The following RP1 variants were observed in gnomAD, a reference collection of about 807,000 sequenced individuals.
The protein encoded by RP1 is oxygen-regulated protein 1.
RP1 carries 16 observed loss-of-function variants against 14.8 expected under a neutral mutation model. That is an observed-to-expected ratio of 1.08 (90% CI 0.73 to 1.65). The LOEUF (loss-of-function observed/expected upper bound fraction) is 1.65. RP1 is among the 40% of genes most tolerant of loss of function. The pLI is 0.00. For missense variants in RP1, 2,631 were observed against 2,535.0 expected, an observed-to-expected ratio of 1.04 and a Z score of -0.81; for synonymous variants, 876 against 883.6, an observed-to-expected ratio of 0.99 and a Z score of 0.15.
At position 54,734,702 on chromosome 8, in the gene RP1, C is replaced by T. The variant is rs541189982; in HGVS notation, c.2679C>T (p.Ser893=). 3.1e-5 allele frequency: 47 copies of T among 1,535,094 alleles called. No individual in the cohort carries two copies. In the African/African-American group the frequency reaches 5.7e-4, roughly 19 times the overall value. Residue 893 remains serine (S), a synonymous_variant, in exon 18 of 23, where the codon AGC becomes AGT. Coordinates refer to the RP1 transcript ENST00000636932. The stretch of plus-strand genomic sequence containing the variant: ...GGCCAATAAGTCTTCGCAAGGACAG[C>T]TCAGAGCAGCTCTTCCTTCCAGGAC...
At chr8:54,762,550 C>T (rs1451918168) in intron 22 of RP1, among the ~76,000 whole-genome samples, 1 of 152,130 alleles carries the variant, frequency 6.6e-6, no homozygotes, top group Non-Finnish European at 1.5e-5. Context: ...GGAGGTTTGG[C>T]TATTTGAGGT....
At chr8:54,770,065 A>G (rs1039823493), downstream of RP1, 17 of 445,786 alleles carry the variant, frequency 3.8e-5, no homozygotes, top group Non-Finnish European at 5.5e-5. Flanking sequence ...TTCTTTTCCC[A>G]CTTACAATGT....
intron 16 of RP1, among the ~76,000 whole-genome samples, chr8:54,721,787 A>G (rs1469668653): frequency 6.6e-6 from 1 of 152,244 alleles, no homozygotes; most frequent in African/African-American, 2.4e-5. Context: ...TTGAAGATTC[A>G]TGAATCCTAG....
chr8:54,804,623 C>CA (rs146244946), intron 24 of RP1, among the ~76,000 whole-genome samples: 3 of 151,724 alleles, frequency 2.0e-5, no homozygotes, highest in Non-Finnish European at 4.4e-5. Context: ...ATTCTGACAA[C>CA]AAAAAAACAT....
intron 22 of RP1, among the ~76,000 whole-genome samples, chr8:54,759,309 G>A (rs184227590): frequency 1.2e-3 from 186 of 152,184 alleles, no homozygotes; most frequent in African/African-American, 4.2e-3. Context: ...ACGATGTTGT[G>A]TGTGTCACAA....
chr8:54,774,242 G>A, downstream of RP1, among the ~76,000 whole-genome samples: 1 of 152,106 alleles, frequency 6.6e-6, no homozygotes, highest in East Asian at 1.9e-4. Flanking sequence ...TCCTCCACAG[G>A]AAGACACACC....
rs3077333 is a variant in RP1, at chr8:54,759,130, CTGTGTGTGTGTGTGTGTGTG to C, written c.3248+80_3248+99del. The C allele has an allele frequency of 2.1e-4, 158 of 768,420 alleles. No individual in the cohort carries two copies. The Admixed American group carries it at 2.5e-3, about 12-fold the overall frequency. The allele number at this position is 768,420 out of a possible 1,614,324, so 47.6% of individuals were successfully genotyped here. The stretch of plus-strand genomic sequence containing the variant: ...AGAGTATGCTGCACTGTGGATGATG[CTGTGTGTGTGTGTGTGTGTG>C]TGTGTGTGTGTGTGTGTGTGTGTGT... On this transcript the variant is annotated intron_variant, in intron 22 of 22. Coordinates refer to the RP1 transcript ENST00000636932.
intron 17 of RP1, among the ~76,000 whole-genome samples, chr8:54,729,222 T>G (rs1276867014): frequency 6.6e-6 from 1 of 152,196 alleles, no homozygotes; most frequent in Non-Finnish European, 1.5e-5. Flanking sequence ...AGATGAATGT[T>G]ATGCAGGTCT....
In RP1 at chr8:54,627,848, C is replaced by T. The variant is rs753573882; in HGVS notation, c.3966C>T (p.Thr1322=). ...DKACAQKENH[T]YEGACPIDET... ...CTTGTGCTCAAAAGGAGAACCATACCTATGAGGGAGCTTGCCCAATTGATG... is the reference window on the plus strand; with the variant it reads ...CTTGTGCTCAAAAGGAGAACCATACTTATGAGGGAGCTTGCCCAATTGATG... The change falls in exon 4 of 4, where the codon ACC becomes ACT. Residue 1322 remains threonine (T), a synonymous_variant. Transcript: ENST00000220676. 17 of 1,614,004 alleles carry T rather than the reference C, an allele frequency of 1.1e-5. No homozygotes were observed. The highest frequency in any genetic ancestry group is 1.7e-5 in the Admixed American group (1 of 59,996).
intron 24 of RP1, among the ~76,000 whole-genome samples, chr8:54,804,136 A>G (rs1211838372): frequency 1.2e-5 from 1 of 83,514 alleles, no homozygotes; most frequent in East Asian, 3.0e-4. Context: ...ATAAATGATT[A>G]CATATGTGGG....
chr8:54,562,558 C>T (rs547511788), intron 1 of RP1, among the ~76,000 whole-genome samples: 7 of 151,862 alleles, frequency 4.6e-5, no homozygotes, highest in Non-Finnish European at 1.0e-4. Context: ...CCTGTAATCC[C>T]AGCTACTCAG....
At chr8:54,615,673 G>A (rs1805699329), upstream of RP1, among the ~76,000 whole-genome samples, 1 of 152,166 alleles carries the variant, frequency 6.6e-6, no homozygotes, top group Non-Finnish European at 1.5e-5. Flanking sequence ...GAGGTAATAA[G>A]CAAGAGTGCC....
At chr8:54,865,994 T>C in intron 28 of RP1, 1 of 560,746 alleles carries the variant, frequency 1.8e-6, no homozygotes, top group Non-Finnish European at 2.7e-6. Flanking sequence ...CCAGCATGCC[T>C]CATCCCAGCT....
Position 54,626,054 on chromosome 8 carries a change from G to T in RP1, c.2172G>T (p.Gly724=). Reference sequence around the variant, plus strand: ...ATTCAGATAGTCCCCTTAAAGGAGGGATACTTTGTGAGGAAGACCTCCAGA... The same window carrying T: ...ATTCAGATAGTCCCCTTAAAGGAGGTATACTTTGTGAGGAAGACCTCCAGA... ...VQDSDSPLKG[G]ILCEEDLQKS... The change falls in exon 4 of 4, where the codon GGG becomes GGT. Residue 724 remains glycine (G), a synonymous_variant. Transcript: ENST00000220676. The T allele has an allele frequency of 6.2e-7, 1 of 1,613,662 alleles. No homozygotes were observed. Among genetic ancestry groups the T allele is most frequent in the South Asian group, 1.1e-5 (1 of 91,064 alleles).
At chr8:54,622,454 A>G (rs967270448) in intron 3 of RP1, among the ~76,000 whole-genome samples, 166 bp downstream of exon 3, 6 of 152,206 alleles carry the variant, frequency 3.9e-5, no homozygotes, top group African/African-American at 1.4e-4. Flanking sequence ...TATAGTTGGA[A>G]AGAGTCATAG....
At chr8:54,685,105 A>C (rs28437785) in intron 12 of RP1, among the ~76,000 whole-genome samples, 10,228 of 152,132 alleles carry the variant, frequency 0.067, 1,091 homozygotes, top group African/African-American at 0.23. Context: ...TTTTCAAAAA[A>C]CCAGCTCCTG....
At chr8:54,779,868 C>T (rs1158518686) in intron 23 of RP1, among the ~76,000 whole-genome samples, 14 of 152,148 alleles carry the variant, frequency 9.2e-5, no homozygotes, top group Admixed American at 7.2e-4. Context: ...TAATGGAGAG[C>T]CCTTATCTGT....
chr8:54,796,451 C>A (rs2129387019), intron 24 of RP1, among the ~76,000 whole-genome samples: 1 of 152,208 alleles, frequency 6.6e-6, no homozygotes, highest in East Asian at 1.9e-4. Flanking sequence ...GTGAATATGA[C>A]CTTATTTGGA....
intron 1 of RP1, among the ~76,000 whole-genome samples, chr8:54,604,470 G>A (rs1270281038): frequency 6.6e-6 from 1 of 152,148 alleles, no homozygotes; most frequent in Admixed American, 6.5e-5. Context: ...TTGCATCGAT[G>A]TTCATCAGGG....
Sources: gnomAD v4.1 joint callset for allele counts (sites outside exome capture counted in the v4.1 genomes callset) on GRCh38, gnomAD v4.1.1 for gene constraint, MANE v1.5 for transcripts, NCBI Gene and HGNC (gene_info 2026-07-23, HGNC 2026-07-21) for gene names.